Variants in ANKK1 observed in about 807,000 individuals in gnomAD.
ANKK1 encodes ankyrin repeat and protein kinase domain-containing protein 1.
A neutral mutation model predicts 37.6 loss-of-function variants in ANKK1; 37 were observed. That is an observed-to-expected ratio of 0.98 (90% CI 0.76 to 1.29). The LOEUF is 1.29. ANKK1 is among the 50% of genes most tolerant of loss of function. ANKK1 has a pLI of 0.00. For missense variants in ANKK1, 1,019 were observed against 990.6 expected (o/e 1.03, Z -0.39); for synonymous variants, 415 against 418.7 (o/e 0.99, Z 0.11).
chr11:113,400,409 T>G lies in ANKK1; in HGVS notation c.*142T>G. The G allele has an allele frequency of 1.2e-6, 1 of 868,126 alleles. No individual in the cohort carries two copies. The allele number at this position is 868,126 out of a possible 1,614,324, so 53.8% of individuals were successfully genotyped here. A position where few individuals can be genotyped will look rare whatever the true frequency, so the allele number is the denominator to read the frequency against. On this transcript the variant is annotated 3_prime_UTR_variant, in exon 8 of 8. Coordinates refer to ENST00000303941, the MANE Select transcript of ANKK1 (RefSeq NM_178510.2). The stretch of plus-strand genomic sequence containing the variant: ...CTGTCTCTGCTAAAAATACAAAATT[T>G]AGCTGGGTATGGTGGCACGTGCCTG...
chr11:113,388,969 A>G (rs561651360), intron 1 of ANKK1, among the ~76,000 whole-genome samples: 1 of 152,214 alleles, frequency 6.6e-6, no homozygotes, highest in African/African-American at 2.4e-5. Context: ...CTTGGATGCT[A>G]TCTGTGGTTC....
In ANKK1 at chr11:113,387,893, C is replaced by T. The variant is rs1950556659; in HGVS notation, c.9C>T (p.Ala3=). Residue 3 remains alanine (A), a synonymous_variant, in exon 1 of 8, where the codon GCC becomes GCT. Coordinates refer to ENST00000303941, the MANE Select transcript of ANKK1 (RefSeq NM_178510.2). ...ACAGGAAGAGAGGGGCAATGGCTGC[C>T]GACCCCACCGAGCTGCGGCTGGGCA... The part of the protein sequence containing the change: MA[A]DPTELRLGSL... 6.5e-7 allele frequency: 1 copy of T among 1,547,444 alleles called. No individual in the cohort carries two copies. Among genetic ancestry groups the T allele is most frequent in the Non-Finnish European group, 8.7e-7 (1 of 1,149,478 alleles).
Position 113,399,970 on chromosome 11 carries a change from C to A in ANKK1, c.2001C>A (p.Val667=). 1.2e-6 allele frequency: 2 copies of A among 1,613,602 alleles called. No individual in the cohort carries two copies. The highest frequency in any genetic ancestry group is 1.7e-6 in the Non-Finnish European group (2 of 1,179,874). ...QSGWTPLHLA[V]QRSTFLSVIN... ...GCTGGACACCCCTCCACCTGGCGGT[C>A]CAGAGGAGCACCTTCCTGAGTGTCA... is the stretch of plus-strand genomic sequence containing the variant. The change falls in exon 8 of 8, where the codon GTC becomes GTA. Residue 667 remains valine (V), a synonymous_variant. Coordinates refer to ENST00000303941, the MANE Select transcript of ANKK1 (RefSeq NM_178510.2).
At chr11:113,397,921 G>A in intron 6 of ANKK1, 59 bp from the exon 7 acceptor site, 1 of 1,535,374 alleles carries the variant, frequency 6.5e-7, no homozygotes, top group Non-Finnish European at 8.8e-7. Flanking sequence ...AGGGGAGGAG[G>A]GCACAGGCTA....
chr11:113,389,352 G>T (rs780130182), intron 1 of ANKK1, among the ~76,000 whole-genome samples: 2 of 152,072 alleles, frequency 1.3e-5, no homozygotes, highest in African/African-American at 4.8e-5. Context: ...GGAGCTTTAC[G>T]TGCATTACTT....
rs767524618 is a variant in ANKK1, at chr11:113,399,220, T to A, written c.1251T>A (p.His417Gln). 6.2e-7 allele frequency: 1 copy of A among 1,605,938 alleles called. No individual in the cohort carries two copies. Among genetic ancestry groups the A allele is most frequent in the African/African-American group, 1.3e-5 (1 of 74,790 alleles). Residue 417 changes from histidine (H) to glutamine (Q), a missense_variant, in exon 8 of 8, where the codon CAT (histidine) becomes CAA (glutamine). Coordinates refer to ENST00000303941, the MANE Select transcript of ANKK1 (RefSeq NM_178510.2). The part of the protein sequence containing the change: ...QPDLCALLLA[H>Q]GADANRVDED... ...ACCTCTGTGCCCTGCTTTTGGCACA[T>A]GGTGCTGATGCCAACCGAGTGGATG...
Position 113,399,344 on chromosome 11 carries a change from C to A in ANKK1, c.1375C>A (p.Arg459Ser). Residue 459 changes from arginine (R) to serine (S), a missense_variant, in exon 8 of 8, where the codon CGT becomes AGT. Physicochemically the swap from Arg to Ser is moderately radical, Grantham distance 110 (BLOSUM62 -1). Transcript: ENST00000303941. Reference protein sequence around the residue: ...DHGACVDAQEREGWTPLHLAA... With the variant: ...DHGACVDAQESEGWTPLHLAA... ...CGGGGCCTGTGTGGATGCCCAGGAACGTGAAGGGTGGACCCCTCTTCACCT... is the reference window on the plus strand; with the variant it reads ...CGGGGCCTGTGTGGATGCCCAGGAAAGTGAAGGGTGGACCCCTCTTCACCT... 6.2e-7 allele frequency: 1 copy of A among 1,600,260 alleles called. No homozygotes were observed. Among genetic ancestry groups the A allele is most frequent in the Non-Finnish European group, 8.5e-7 (1 of 1,173,840 alleles).
At chr11:113,395,919 T>A in intron 4 of ANKK1, 148 bp from the exon 5 acceptor site, 1 of 922,366 alleles carries the variant, frequency 1.1e-6, no homozygotes, top group East Asian at 2.6e-5. Context: ...TCAAGTTGGT[T>A]GAAAGTCTAG....
At chr11:113,397,074 G>A (rs1313669894) in intron 5 of ANKK1, 150 bp from the exon 6 acceptor site, 3 of 660,628 alleles carry the variant, frequency 4.5e-6, no homozygotes, top group Non-Finnish European at 2.6e-6. Flanking sequence ...CCATGACCCA[G>A]GTTTCCTGCC....
intron 2 of ANKK1, among the ~76,000 whole-genome samples, chr11:113,394,486 A>G (rs1950620154): frequency 6.6e-6 from 1 of 152,138 alleles, no homozygotes; most frequent in South Asian, 2.1e-4. Flanking sequence ...CAACTTGACA[A>G]GTGAATGACT....
intron 7 of ANKK1, 30 bp from the exon 8 acceptor site, chr11:113,398,934 T>G: frequency 6.5e-7 from 1 of 1,538,804 alleles, no homozygotes; most frequent in Non-Finnish European, 8.8e-7. Flanking sequence ...TCACAGGTCT[T>G]TTTTTTCAAC....
chr11:113,388,660 ATC>A (rs1950565596), intron 1 of ANKK1, among the ~76,000 whole-genome samples: 1 of 152,148 alleles, frequency 6.6e-6, no homozygotes, highest in Non-Finnish European at 1.5e-5. Context: ...GAGTTCTCTC[ATC>A]TCTGTTTTTG....
Position 113,393,858 on chromosome 11 carries a change from C to G in ANKK1, c.480+83C>G, listed in dbSNP as rs1417490669. 2.8e-6 allele frequency: 4 copies of G among 1,448,508 alleles called. No individual in the cohort carries two copies. In the African/African-American group the frequency reaches 5.6e-5, roughly 20 times the overall value. 89.7% of individuals were successfully genotyped at this position (1,448,508 alleles called of 1,614,324 possible). A position where few individuals can be genotyped will look rare whatever the true frequency, so the allele number is the denominator to read the frequency against. ...CAGAATTATCCACCTGCCTGACCGG[C>G]CTGTCAAGGGTTTTAAGCAGTTCCC... On this transcript the variant is annotated intron_variant, in intron 2 of 7. Coordinates refer to ENST00000303941, the MANE Select transcript of ANKK1 (RefSeq NM_178510.2).
intron 7 of ANKK1, 137 bp from the exon 8 acceptor site, chr11:113,398,827 C>A: frequency 1.3e-6 from 1 of 746,060 alleles, no homozygotes; most frequent in Non-Finnish European, 2.1e-6. Context: ...TGTAGAGAGC[C>A]ATGCTTAGGA....
chr11:113,397,536 C>T (rs970493510), intron 6 of ANKK1, among the ~76,000 whole-genome samples, 194 bp downstream of exon 6: 3 of 152,216 alleles, frequency 2.0e-5, no homozygotes, highest in Non-Finnish European at 2.9e-5. Context: ...GCACAGGGCC[C>T]CTGGGAAGGA....
chr11:113,397,165 A>C (rs1030776717), intron 5 of ANKK1, 59 bp from the exon 6 acceptor site: 41 of 1,369,138 alleles, frequency 3.0e-5, no homozygotes, highest in Middle Eastern at 3.6e-4. Context: ...TAAAACAGGG[A>C]GGGTACTGTG....
chr11:113,394,432 G>T (rs1356523668), intron 2 of ANKK1, among the ~76,000 whole-genome samples: 1 of 152,172 alleles, frequency 6.6e-6, no homozygotes, highest in African/African-American at 2.4e-5. Flanking sequence ...CTTATCTGCT[G>T]CCCAGTCCTT....
Position 113,393,668 on chromosome 11 carries a change from C to T in ANKK1, c.373C>T (p.His125Tyr). ...LCWKLRFRII[H>Y]ETSLAMNFLH... Reference sequence around the variant, plus strand: ...CTGGAAGCTCAGGTTCCGCATCATCCATGAGACCAGCTTGGCCATGAACTT... The same window carrying T: ...CTGGAAGCTCAGGTTCCGCATCATCTATGAGACCAGCTTGGCCATGAACTT... The change falls in exon 2 of 8, where the codon CAT becomes TAT. Residue 125 changes from histidine to tyrosine, a missense_variant. Physicochemically the swap from His to Tyr is moderately conservative, Grantham distance 83. Coordinates refer to ENST00000303941, the MANE Select transcript of ANKK1 (RefSeq NM_178510.2). 2.5e-6 allele frequency: 4 copies of T among 1,613,968 alleles called. No individual in the cohort carries two copies. The highest frequency in any genetic ancestry group is 3.4e-6 in the Non-Finnish European group (4 of 1,179,878).
rs1950588700 is a variant in ANKK1 at position 113,391,682 on chromosome 11, G to A, written c.186-1799G>A. Among the ~76,000 whole-genome samples the A allele has an allele frequency of 2.0e-5, 3 of 152,150 alleles. No homozygotes were observed. The South Asian group carries it at 6.2e-4, about 32-fold the overall frequency. Reference sequence around the variant, plus strand: ...TGAAATGATGAAAACTAAAGGAAGAGCAGGTTTCAGGGGAAAATCAGGAGG... The same window carrying A: ...TGAAATGATGAAAACTAAAGGAAGAACAGGTTTCAGGGGAAAATCAGGAGG... On this transcript the variant is annotated intron_variant, in intron 1 of 7. Coordinates refer to ENST00000303941, the MANE Select transcript of ANKK1 (RefSeq NM_178510.2).
Sources: gnomAD v4.1 joint callset for allele counts (sites outside exome capture counted in the v4.1 genomes callset) on GRCh38, gnomAD v4.1.1 for gene constraint, MANE v1.5 for transcripts, NCBI Gene and HGNC (gene_info 2026-07-23, HGNC 2026-07-21) for gene names.